The following CLVS2 variants were observed in gnomAD, a reference collection of about 807,000 sequenced individuals.
CLVS2 encodes clavesin-2.
In CLVS2, 19 loss-of-function variants were observed where a neutral mutation model predicts 29.0. The observed-to-expected ratio is 0.66, with a 90% CI of 0.46 to 0.96. The LOEUF is 0.96. Among genes scored for constraint, CLVS2 ranks in the 40% least tolerant of loss-of-function variants. The pLI, the probability that CLVS2 is intolerant of heterozygous loss-of-function variation, is 0.00. For missense variants in CLVS2, 294 were observed against 404.1 expected (o/e 0.73, Z 2.34); for synonymous variants, 161 against 151.3 (o/e 1.06, Z -0.47).
intron 4 of CLVS2, among the ~76,000 whole-genome samples, chr6:123,050,784 G>A (rs1002561051): frequency 6.6e-6 from 1 of 152,120 alleles, no homozygotes; most frequent in Non-Finnish European, 1.5e-5. Flanking sequence ...ATTGAATACA[G>A]GGGTTACTTG....
At chr6:123,053,693 A>C (rs1206850542) in intron 4 of CLVS2, among the ~76,000 whole-genome samples, 1 of 152,090 alleles carries the variant, frequency 6.6e-6, no homozygotes. Context: ...AGAAATAGGA[A>C]AGCAACTGGA....
chr6:123,035,022 G>C (rs771607308), intron 3 of CLVS2, among the ~76,000 whole-genome samples: 3 of 152,114 alleles, frequency 2.0e-5, no homozygotes, highest in Non-Finnish European at 4.4e-5. Flanking sequence ...ATAAATACTT[G>C]TTGAATGAGA....
chr6:123,028,412 C>A (rs987434275), intron 3 of CLVS2, among the ~76,000 whole-genome samples: 61 of 152,304 alleles, frequency 4.0e-4, no homozygotes, highest in African/African-American at 1.4e-3. Flanking sequence ...GTAATCCCAG[C>A]AGTTTGGGAG....
intron 3 of CLVS2, among the ~76,000 whole-genome samples, chr6:123,046,689 C>T (rs1348116835): frequency 6.6e-6 from 1 of 151,640 alleles, no homozygotes; most frequent in African/African-American, 2.4e-5. Context: ...ATAATAATCA[C>T]TTGAGCCAAG....
chr6:123,011,674 C>T (rs1774749817), intron 3 of CLVS2, among the ~76,000 whole-genome samples: 2 of 151,796 alleles, frequency 1.3e-5, no homozygotes, highest in African/African-American at 4.8e-5. Context: ...GGGGCTGTCA[C>T]ATGGAATTTA....
intron 3 of CLVS2, among the ~76,000 whole-genome samples, chr6:123,015,391 T>TA (rs1305283698): frequency 6.6e-6 from 1 of 152,062 alleles, no homozygotes; most frequent in Non-Finnish European, 1.5e-5. Flanking sequence ...GAGAACCCCA[T>TA]ACCACCTTTG....
intron 3 of CLVS2, 104 bp from the exon 4 acceptor site, chr6:123,048,518 T>C: frequency 1.4e-6 from 1 of 723,994 alleles, no homozygotes; most frequent in Non-Finnish European, 2.4e-6. Context: ...GATAATCTCA[T>C]CTAAGTATGT....
chr6:123,042,658 T>C (rs1298098211), intron 3 of CLVS2, among the ~76,000 whole-genome samples: 1 of 152,206 alleles, frequency 6.6e-6, no homozygotes, highest in Non-Finnish European at 1.5e-5. Context: ...GTTTCCTGGC[T>C]GTCTCTTCTC....
At chr6:123,004,426 G>A (rs1455117885) in intron 2 of CLVS2, among the ~76,000 whole-genome samples, 3 of 152,166 alleles carry the variant, frequency 2.0e-5, no homozygotes, top group Non-Finnish European at 2.9e-5. Context: ...AGTAATACAA[G>A]CCAGACAGAT....
In CLVS2 at chr6:123,065,784, A is replaced by T. The variant is rs1282366423; in HGVS notation, c.*2023A>T. 6.6e-6 allele frequency: 1 copy of T among 151,818 alleles called. No individual in the cohort carries two copies. The highest frequency in any genetic ancestry group is 1.5e-5 in the Non-Finnish European group (1 of 67,796). The allele number at this position is 151,818 out of a possible 1,614,324, so 9.4% of individuals were successfully genotyped here. A position where few individuals can be genotyped will look rare whatever the true frequency, so the allele number is the denominator to read the frequency against. ...AGAGGGCAGTCAACTTTTCATTCTC[A>T]TGAGTTTCTCTTGATGTGTACCATT... On this transcript the variant is annotated 3_prime_UTR_variant, in exon 6 of 6. Coordinates refer to ENST00000275162, the MANE Select transcript of CLVS2 (RefSeq NM_001010852.4).
At chr6:123,017,638 G>A (rs747256483) in intron 3 of CLVS2, among the ~76,000 whole-genome samples, 1 of 152,086 alleles carries the variant, frequency 6.6e-6, no homozygotes, top group African/African-American at 2.4e-5. Flanking sequence ...TTGGCTGAGA[G>A]GTTTAGTTCT....
rs1164132906 is a variant in CLVS2 at position 123,066,880 on chromosome 6, T to C, written c.*3119T>C. On this transcript the variant is annotated 3_prime_UTR_variant, in exon 6 of 6. Coordinates refer to ENST00000275162, the MANE Select transcript of CLVS2 (RefSeq NM_001010852.4). ...TAAGGCCTTTATTTGAACATACTCA[T>C]ACAGTATTAAGTCTCTGTTGTGTAA... is the stretch of plus-strand genomic sequence containing the variant. 2 of 151,574 alleles carry C rather than the reference T, an allele frequency of 1.3e-5. No individual in the cohort carries two copies. The highest frequency in any genetic ancestry group is 2.4e-5 in the African/African-American group (1 of 41,310). 9.4% of individuals were successfully genotyped at this position (151,574 alleles called of 1,614,324 possible).
intron 3 of CLVS2, among the ~76,000 whole-genome samples, chr6:123,041,558 A>C (rs559559070): frequency 6.6e-6 from 1 of 152,346 alleles, no homozygotes; most frequent in South Asian, 2.1e-4. Context: ...ATTCCCTTAA[A>C]GGAGAGTGAC....
intron 4 of CLVS2, among the ~76,000 whole-genome samples, chr6:123,052,723 G>A (rs1212835469): frequency 6.6e-6 from 1 of 151,928 alleles, no homozygotes. Flanking sequence ...TTTGGTCTGA[G>A]AAAGTGGAAG....
rs1021612957 is a variant in CLVS2, at chr6:122,996,522, C to A, written c.-784C>A. 1 of 152,802 alleles carries A rather than the reference C, an allele frequency of 6.5e-6. No homozygotes were observed. Among genetic ancestry groups the A allele is most frequent in the African/African-American group, 2.4e-5 (1 of 41,458 alleles). 9.5% of individuals were successfully genotyped at this position (152,802 alleles called of 1,614,324 possible). ...GTGGCCCTAGCCCTGCGATCCTCAC[C>A]CCTCCTGCTAGGAGAGGCTGCGGGC... On this transcript the variant is annotated 5_prime_UTR_variant, in exon 1 of 6. Transcript: ENST00000275162.
intron 3 of CLVS2, among the ~76,000 whole-genome samples, chr6:123,041,680 A>T (rs2114346691): frequency 6.6e-6 from 1 of 152,288 alleles, no homozygotes; most frequent in Non-Finnish European, 1.5e-5. Context: ...GGCAGAAAGG[A>T]TATGTATGCC....
intron 3 of CLVS2, among the ~76,000 whole-genome samples, chr6:123,048,308 A>G (rs1436082384): frequency 6.6e-6 from 1 of 151,972 alleles, no homozygotes; most frequent in Non-Finnish European, 1.5e-5. Flanking sequence ...ATCTCTAATG[A>G]CTTTTGTTTT....
intron 3 of CLVS2, among the ~76,000 whole-genome samples, chr6:123,013,574 C>T (rs141386121): frequency 3.0e-4 from 46 of 152,034 alleles, no homozygotes; most frequent in Middle Eastern, 6.8e-3. Flanking sequence ...TTTGAGGACT[C>T]CTTGTCTCTT....
At chr6:123,043,090 A>G (rs535765588) in intron 3 of CLVS2, among the ~76,000 whole-genome samples, 15 of 152,258 alleles carry the variant, frequency 9.9e-5, no homozygotes, top group Non-Finnish European at 1.8e-4. Flanking sequence ...AATCACTTTC[A>G]GAAACAGTGA....
Sources: gnomAD v4.1 joint callset for allele counts (sites outside exome capture counted in the v4.1 genomes callset) on GRCh38, gnomAD v4.1.1 for gene constraint, MANE v1.5 for transcripts, NCBI Gene and HGNC (gene_info 2026-07-23, HGNC 2026-07-21) for gene names.